TEX9: variants seen among roughly 807,000 people sequenced by gnomAD.
TEX9 encodes testis-expressed protein 9.
A neutral mutation model predicts 59.6 loss-of-function variants in TEX9; 74 were observed. The ratio of observed to expected loss-of-function variants is 1.24; its 90% CI spans 1.03 to 1.51. The LOEUF (loss-of-function observed/expected upper bound fraction) is 1.51, where lower values mean the gene tolerates loss of function less well. Among genes scored for constraint, TEX9 ranks in the 40% most tolerant of loss-of-function variants. TEX9 has a pLI of 0.00. For missense variants in TEX9, 522 were observed against 447.8 expected, an observed-to-expected ratio of 1.17 and a Z score of -1.49; for synonymous variants, 186 against 152.2, an observed-to-expected ratio of 1.22 and a Z score of -1.64.
chr15:56,431,594 G>T (rs1333007791), intron 12 of TEX9: 5 of 1,234,698 alleles, frequency 4.0e-6, no homozygotes, highest in Non-Finnish European at 4.6e-6. Context: ...AGATAAAATT[G>T]ATGAACTATT....
At chr15:56,434,257 CA>C in intron 12 of TEX9, 1 of 1,613,932 alleles carries the variant, frequency 6.2e-7, no homozygotes, top group Non-Finnish European at 8.5e-7. Flanking sequence ...TCATCCTCAG[CA>C]AATTTAGCTA....
At chr15:56,426,719 A>C (rs374558435) in intron 10 of TEX9, among the ~76,000 whole-genome samples, 29 of 150,150 alleles carry the variant, frequency 1.9e-4, no homozygotes, top group Non-Finnish European at 3.4e-4. Context: ...GTGTGTGTAC[A>C]GAGATTCACA....
exon 10 of TEX9, chr15:56,412,341 A>C (rs758732339): frequency 1.2e-6 from 2 of 1,613,378 alleles, no homozygotes; most frequent in Non-Finnish European, 1.7e-6. Flanking sequence ...ACAGGCTGCA[A>C]GTAGTCAAAG....
upstream of TEX9, chr15:56,365,367 G>C (rs1018279604): frequency 5.9e-6 from 9 of 1,524,674 alleles, no homozygotes; most frequent in South Asian, 1.2e-4. Flanking sequence ...AGGCGTAGGC[G>C]CCCGGGCGGG....
At position 56,329,461 on chromosome 15, in the gene TEX9, A is replaced by G. The variant is rs79665683; in HGVS notation, c.-106-43980A>G. On this transcript the variant is annotated intron_variant, in intron 1 of 5. Transcript: ENST00000560827. The stretch of plus-strand genomic sequence containing the variant: ...AAATGAGTTAATTTAGTTCCGGGAT[A>G]AATCGTGTGGAAACAGAGATACGTG... Among the ~76,000 whole-genome samples the G allele has an allele frequency of 3.3e-5, 5 of 152,326 alleles. No individual in the cohort carries two copies. The East Asian group carries it at 9.6e-4, about 29-fold the overall frequency.
chr15:56,439,779 C>G (rs1444513452), intron 12 of TEX9, among the ~76,000 whole-genome samples: 1 of 142,942 alleles, frequency 7.0e-6, no homozygotes, highest in African/African-American at 2.6e-5. Context: ...AAAAACAAAA[C>G]ACACACACAC....
At chr15:56,294,415 T>A (rs1244167035) in intron 1 of TEX9, among the ~76,000 whole-genome samples, 1 of 152,230 alleles carries the variant, frequency 6.6e-6, no homozygotes, top group African/African-American at 2.4e-5. Context: ...TGTTGGCACA[T>A]CTAACATTAT....
intron 1 of TEX9, among the ~76,000 whole-genome samples, chr15:56,301,282 T>G (rs893972962): frequency 2.6e-5 from 4 of 151,996 alleles, no homozygotes; most frequent in Non-Finnish European, 5.9e-5. Context: ...ATTATGAGCC[T>G]GAAGACAGGC....
chr15:56,308,548 G>T (rs915557625), intron 1 of TEX9, among the ~76,000 whole-genome samples: 1 of 152,038 alleles, frequency 6.6e-6, no homozygotes, highest in Admixed American at 6.6e-5. Context: ...AAACACAAAA[G>T]CTTTTAATTT....
intron 1 of TEX9, among the ~76,000 whole-genome samples, chr15:56,300,172 A>T (rs2045309963): frequency 1.3e-5 from 2 of 151,862 alleles, no homozygotes; most frequent in African/African-American, 4.8e-5. Flanking sequence ...GACTGGCAGC[A>T]TTCACCACAA....
At chr15:56,319,739 TGAG>T (rs2045861208) in intron 1 of TEX9, among the ~76,000 whole-genome samples, 1 of 152,026 alleles carries the variant, frequency 6.6e-6, no homozygotes, top group South Asian at 2.1e-4. Context: ...ATTCCCAGGA[TGAG>T]GAGGCAGAAG....
rs112036250 is a variant in TEX9 at position 56,409,244 on chromosome 15, A to G, written c.829-3058A>G. Among the ~76,000 whole-genome samples the G allele has an allele frequency of 5.6e-3, 851 of 152,240 alleles. 3 individuals carry two copies. The highest frequency in any genetic ancestry group is 0.014 in the Middle Eastern group (4 of 294). Reference sequence around the variant, plus strand: ...GATCATCACACACATACACATATGCATACACACTTAAAATCCTCCAAAGGC... The same window carrying G: ...GATCATCACACACATACACATATGCGTACACACTTAAAATCCTCCAAAGGC... On this transcript the variant is annotated intron_variant, in intron 9 of 12. Transcript: ENST00000352903.
At chr15:56,418,236 A>T (rs2049795360) in intron 10 of TEX9, among the ~76,000 whole-genome samples, 1 of 151,770 alleles carries the variant, frequency 6.6e-6, no homozygotes, top group South Asian at 2.1e-4. Flanking sequence ...TTAGCTGGTT[A>T]TTAGGTTGAC....
intron 1 of TEX9, among the ~76,000 whole-genome samples, chr15:56,280,966 T>G (rs1459998021): frequency 6.6e-6 from 1 of 152,190 alleles, no homozygotes; most frequent in Non-Finnish European, 1.5e-5. Context: ...TTCAGAGGGA[T>G]TTAATGAATT....
chr15:56,438,417 G>A (rs892891592), intron 12 of TEX9, among the ~76,000 whole-genome samples: 1 of 152,050 alleles, frequency 6.6e-6, no homozygotes, highest in African/African-American at 2.4e-5. Context: ...TTAATAAATG[G>A]TGCTGGAAAA....
chr15:56,390,392 C>A (rs2048151462), intron 6 of TEX9, among the ~76,000 whole-genome samples: 1 of 151,868 alleles, frequency 6.6e-6, no homozygotes, highest in African/African-American at 2.4e-5. Context: ...GGGATGGATA[C>A]CCCCTTCTCC....
chr15:56,311,319 G>C (rs1485445126), intron 1 of TEX9, among the ~76,000 whole-genome samples: 1 of 123,924 alleles, frequency 8.1e-6, no homozygotes, highest in Non-Finnish European at 1.6e-5. Context: ...ACAGTCCCCA[G>C]AGTGTGATAT....
intron 1 of TEX9, among the ~76,000 whole-genome samples, chr15:56,308,305 G>A (rs2045528882): frequency 6.6e-6 from 1 of 152,094 alleles, no homozygotes; most frequent in African/African-American, 2.4e-5. Flanking sequence ...CATTCAGTTT[G>A]CATTTGCTGA....
intron 1 of TEX9, among the ~76,000 whole-genome samples, chr15:56,307,819 CATAAAA>C (rs1596077892): frequency 6.6e-6 from 1 of 152,174 alleles, no homozygotes; most frequent in Non-Finnish European, 1.5e-5. Flanking sequence ...CTGGACATTT[CATAAAA>C]ATAGAATTAT....
Sources: allele counts gnomAD v4.1 joint callset (sites outside exome capture counted in the v4.1 genomes callset), GRCh38; gene constraint gnomAD v4.1.1; transcripts MANE v1.5; gene names NCBI Gene and HGNC (gene_info 2026-07-23, HGNC 2026-07-21).